Variants in LINGO2 observed in about 807,000 individuals in gnomAD.
LINGO2 encodes leucine-rich repeat and immunoglobulin-like domain-containing nogo receptor-interacting protein 2.
A neutral mutation model predicts 30.6 loss-of-function variants in LINGO2; 14 were observed. The ratio of observed to expected loss-of-function variants is 0.46; its 90% CI spans 0.30 to 0.72. The LOEUF is 0.72. Ranked by LOEUF, LINGO2 falls within the 30% of genes least tolerant of loss-of-function variation. The pLI is 0.07. For missense variants in LINGO2, 729 were observed against 751.7 expected (o/e 0.97, Z 0.35); for synonymous variants, 317 against 288.5 (o/e 1.10, Z -1.00).
chr9:28,066,450 C>T (rs1188316312), intron 4 of LINGO2, among the ~76,000 whole-genome samples: 9 of 152,074 alleles, frequency 5.9e-5, no homozygotes, highest in Non-Finnish European at 1.3e-4. Flanking sequence ...AAAGCTTCTC[C>T]ACTGGGCTCT....
intron 1 of LINGO2, among the ~76,000 whole-genome samples, chr9:28,521,197 G>A (rs1439479774): frequency 6.6e-6 from 1 of 152,000 alleles, no homozygotes; most frequent in Admixed American, 6.6e-5. Flanking sequence ...AAACCGTGTG[G>A]GATATTCAAA....
intron 4 of LINGO2, among the ~76,000 whole-genome samples, chr9:28,283,313 A>AGGTGTTTTGTTCTTT: frequency 6.6e-6 from 1 of 152,338 alleles, no homozygotes; most frequent in Non-Finnish European, 1.5e-5. Context: ...AAGGAAAACC[A>AGGTGTTTTGTTCTTT]GATGATTGTT....
At chr9:28,068,828 T>G (rs1301708054) in intron 4 of LINGO2, among the ~76,000 whole-genome samples, 4 of 152,156 alleles carry the variant, frequency 2.6e-5, no homozygotes, top group Non-Finnish European at 5.9e-5. Context: ...AACAAGGTAC[T>G]ATGAAGGATA....
intron 4 of LINGO2, among the ~76,000 whole-genome samples, chr9:28,025,295 C>T (rs1823323836): frequency 6.6e-6 from 1 of 152,154 alleles, no homozygotes; most frequent in South Asian, 2.1e-4. Context: ...GCAGTCTGCC[C>T]TATGGGATAA....
chr9:28,800,898 T>C, the LINGO2 span, among the ~76,000 whole-genome samples: 1 of 152,094 alleles, frequency 6.6e-6, no homozygotes, highest in Non-Finnish European at 1.5e-5. Flanking sequence ...GTGAAGTGTG[T>C]CCTCAAGCTG....
the LINGO2 span, among the ~76,000 whole-genome samples, chr9:28,799,613 T>A: frequency 6.6e-6 from 1 of 152,154 alleles, no homozygotes; most frequent in Admixed American, 6.6e-5. Flanking sequence ...GGGATTAGAA[T>A]GCCAGAAATG....
At chr9:28,628,313 A>G (rs941856279) in intron 1 of LINGO2, among the ~76,000 whole-genome samples, 2 of 152,072 alleles carry the variant, frequency 1.3e-5, no homozygotes, top group African/African-American at 2.4e-5. Flanking sequence ...GATTATCACC[A>G]TGTTCTTCTA....
At chr9:28,060,539 G>A (rs1441694597) in intron 4 of LINGO2, among the ~76,000 whole-genome samples, 1 of 152,132 alleles carries the variant, frequency 6.6e-6, no homozygotes, top group African/African-American at 2.4e-5. Flanking sequence ...CACAAAGCCA[G>A]GAAGTAAGTA....
chr9:28,172,029 A>C lies in LINGO2; in HGVS notation c.-87+123179T>G, dbSNP rs1322993753. Among the ~76,000 whole-genome samples the C allele has an allele frequency of 8.5e-4, 85 of 100,000 alleles. 3 individuals carry two copies. The South Asian group carries it at 9.3e-3, about 11-fold the overall frequency. The allele number at this position is 100,000 out of a possible 152,430, so 65.6% of individuals were successfully genotyped here. ...AAGACTCCGTCTCAAAAAAAAAAAA[A>C]AAAACAAAAAAAAAAACCCAGCATC... On this transcript the variant is annotated intron_variant, in intron 4 of 5. Coordinates refer to ENST00000379992, the Ensembl canonical transcript of LINGO2.
At chr9:28,495,973 G>A (rs530912931) in intron 1 of LINGO2, among the ~76,000 whole-genome samples, 2 of 152,222 alleles carry the variant, frequency 1.3e-5, no homozygotes, top group Non-Finnish European at 2.9e-5. Context: ...GTGGTTTTGA[G>A]TGAGTTTCTT....
At chr9:28,134,532 GAGGGCACCTGGCTGGTA>G (rs528849046) in intron 4 of LINGO2, among the ~76,000 whole-genome samples, 1 of 152,332 alleles carries the variant, frequency 6.6e-6, no homozygotes, top group East Asian at 1.9e-4. Context: ...GGGAGGAAGG[GAGGGCACCTGGCTGGTA>G]AGTGCTTGGA....
At chr9:28,865,478 T>C in the LINGO2 span, among the ~76,000 whole-genome samples, 2 of 151,970 alleles carry the variant, frequency 1.3e-5, no homozygotes, top group Non-Finnish European at 2.9e-5. Context: ...GAGTTTGACA[T>C]GGGTTTAAAA....
intron 1 of LINGO2, among the ~76,000 whole-genome samples, chr9:28,485,094 A>G (rs538842772): frequency 6.6e-6 from 1 of 152,188 alleles, no homozygotes; most frequent in Admixed American, 6.6e-5. Flanking sequence ...AAACCATAAT[A>G]TTTCCTGGTA....
the LINGO2 span, among the ~76,000 whole-genome samples, chr9:29,058,182 T>G: frequency 4.6e-5 from 7 of 152,056 alleles, no homozygotes; most frequent in Admixed American, 3.9e-4. Context: ...TTAGCTATTT[T>G]AATATACCTA....
At chr9:29,000,008 G>A in the LINGO2 span, among the ~76,000 whole-genome samples, 1 of 151,994 alleles carries the variant, frequency 6.6e-6, no homozygotes, top group Admixed American at 6.6e-5. Context: ...TGTTACTCAT[G>A]TCATACATAT....
the LINGO2 span, among the ~76,000 whole-genome samples, chr9:28,839,917 C>G: frequency 6.6e-6 from 1 of 152,164 alleles, no homozygotes; most frequent in African/African-American, 2.4e-5. Flanking sequence ...CTCAGCACCC[C>G]CTCATCCTCC....
At chr9:28,315,630 G>T (rs1824815909) in intron 3 of LINGO2, among the ~76,000 whole-genome samples, 3 of 152,256 alleles carry the variant, frequency 2.0e-5, no homozygotes, top group Non-Finnish European at 2.9e-5. Flanking sequence ...AAGTGAAAGA[G>T]ATCTTAAAAG....
At chr9:28,954,069 A>G in the LINGO2 span, among the ~76,000 whole-genome samples, 4 of 152,182 alleles carry the variant, frequency 2.6e-5, no homozygotes, top group African/African-American at 7.2e-5. Flanking sequence ...GGTAGCACAA[A>G]GAATTTTCAA....
At chr9:28,093,856 T>G (rs1826169071) in intron 4 of LINGO2, among the ~76,000 whole-genome samples, 1 of 152,060 alleles carries the variant, frequency 6.6e-6, no homozygotes, top group South Asian at 2.1e-4. Flanking sequence ...ATTTTTTTTT[T>G]TATTTAACCA....
Sources: gnomAD v4.1 joint callset for allele counts (sites outside exome capture counted in the v4.1 genomes callset) on GRCh38, gnomAD v4.1.1 for gene constraint, MANE v1.5 for transcripts, NCBI Gene and HGNC (gene_info 2026-07-23, HGNC 2026-07-21) for gene names.